The following DDA1 variants were observed in gnomAD, a reference collection of about 807,000 sequenced individuals.
The protein encoded by DDA1 is DET1- and DDB1-associated protein 1.
Under a neutral mutation model 18.6 loss-of-function variants are expected in DDA1, and 3 were observed. The ratio of observed to expected loss-of-function variants is 0.16; its 90% CI spans 0.07 to 0.42. DDA1 has a LOEUF of 0.42. Among genes scored for constraint, DDA1 ranks in the 10% least tolerant of loss-of-function variants. The pLI, the probability that DDA1 is intolerant of heterozygous loss-of-function variation, is 0.99. For synonymous variants in DDA1, 52 were observed against 54.0 expected (o/e 0.96, Z 0.17); for missense variants, 105 against 138.2 (o/e 0.76, Z 1.20).
At position 17,322,092 on chromosome 19, in the gene DDA1, C is replaced by G. The variant is rs1378005894; in HGVS notation, c.*2436C>G. 1.3e-5 allele frequency: 2 copies of G among 152,758 alleles called. No individual in the cohort carries two copies. The highest frequency in any genetic ancestry group is 2.1e-4 in the South Asian group (1 of 4,846). 9.5% of individuals were successfully genotyped at this position (152,758 alleles called of 1,614,324 possible). A position where few individuals can be genotyped will look rare whatever the true frequency, so the allele number is the denominator to read the frequency against. ...GAGCAGGGGGCACTCCCGCCTTTCCCCTCGGCCTGTCTAGACCTCTCTGGC... is the reference window on the plus strand; with the variant it reads ...GAGCAGGGGGCACTCCCGCCTTTCCGCTCGGCCTGTCTAGACCTCTCTGGC... On this transcript the variant is annotated 3_prime_UTR_variant, in exon 5 of 5. Transcript: ENST00000359866.
chr19:17,313,965 T>C (rs1001551197), intron 1 of DDA1, 58 bp from the exon 2 acceptor site: 25 of 1,435,590 alleles, frequency 1.7e-5, no homozygotes, highest in African/African-American at 4.2e-5. Flanking sequence ...CTGCAGGTGC[T>C]CCAGGGATGA....
At chr19:17,318,775 T>C (rs1295858623) in intron 4 of DDA1, among the ~76,000 whole-genome samples, 2 of 139,432 alleles carry the variant, frequency 1.4e-5, no homozygotes, top group East Asian at 2.2e-4. Context: ...AAGCAATTCT[T>C]CTGCCTCAGC....
rs1661888009 is a variant in DDA1 at position 17,315,230 on chromosome 19, C to CACACACGTGTATAT, written c.137-698_137-697insGTGTATATACACAC. On this transcript the variant is annotated intron_variant, in intron 3 of 4. Coordinates refer to ENST00000359866, the MANE Select transcript of DDA1 (RefSeq NM_024050.6). ...ACGTGTATATACACACACGTGTATA[C>CACACACGTGTATAT]ACACACACGTGTATATACACACACG... Among the ~76,000 whole-genome samples the CACACACGTGTATAT allele has an allele frequency of 1.2e-3, 14 of 11,696 alleles. 5 individuals carry two copies. The highest frequency in any genetic ancestry group is 3.7e-3 in the African/African-American group (7 of 1,908). 7.7% of individuals were successfully genotyped at this position (11,696 alleles called of 152,430 possible). A position where few individuals can be genotyped will look rare whatever the true frequency, so the allele number is the denominator to read the frequency against.
rs1568355697 is a variant in DDA1 at position 17,320,796 on chromosome 19, ATGGGGACCCCTCT to A, written c.*1142_*1154del. The A allele has an allele frequency of 6.6e-6, 1 of 152,608 alleles. No homozygotes were observed. The highest frequency in any genetic ancestry group is 1.5e-5 in the Non-Finnish European group (1 of 68,376). The allele number at this position is 152,608 out of a possible 1,614,324, so 9.5% of individuals were successfully genotyped here. A position where few individuals can be genotyped will look rare whatever the true frequency, so the allele number is the denominator to read the frequency against. ...CAGTTGGCATGTGCCATGGCCGCTC[ATGGGGACCCCTCT>A]TCCGCCAGCTGGGCTGGGTTTGGGG... On this transcript the variant is annotated 3_prime_UTR_variant, in exon 5 of 5. Coordinates refer to ENST00000359866, the MANE Select transcript of DDA1 (RefSeq NM_024050.6).
At position 17,319,773 on chromosome 19, in the gene DDA1, C is replaced by T. The variant is rs1482887626; in HGVS notation, c.*117C>T. ...TCCCTGCCGGCCCATCCACACCCTG[C>T]GTCCACACCACTTCCAACCTCATAG... On this transcript the variant is annotated 3_prime_UTR_variant, in exon 5 of 5. Coordinates refer to ENST00000359866, the MANE Select transcript of DDA1 (RefSeq NM_024050.6). The T allele has an allele frequency of 1.7e-5, 13 of 764,932 alleles. No homozygotes were observed. The highest frequency in any genetic ancestry group is 2.7e-5 in the East Asian group (1 of 36,978). 47.4% of individuals were successfully genotyped at this position (764,932 alleles called of 1,614,324 possible). A position where few individuals can be genotyped will look rare whatever the true frequency, so the allele number is the denominator to read the frequency against.
chr19:17,313,662 CA>C (rs2074189487), intron 1 of DDA1, among the ~76,000 whole-genome samples: 1 of 152,108 alleles, frequency 6.6e-6, no homozygotes, highest in Non-Finnish European at 1.5e-5. Context: ...AGGCTGGTCT[CA>C]AACTCCTGAC....
Position 17,315,221 on chromosome 19 carries a change from ACGTG to A in DDA1, c.137-712_137-709del, listed in dbSNP as rs1345629654. Reference sequence around the variant, plus strand: ...TGTATACACACGTGTATATACACACACGTGTATACACACACACGTGTATATACAC... The same window carrying A: ...TGTATACACACGTGTATATACACACATATACACACACACGTGTATATACAC... On this transcript the variant is annotated intron_variant, in intron 3 of 4. Coordinates refer to ENST00000359866, the MANE Select transcript of DDA1 (RefSeq NM_024050.6). Among the ~76,000 whole-genome samples, 3 of 21,428 alleles carry A rather than the reference ACGTG, an allele frequency of 1.4e-4. 1 individual carries two copies. The highest frequency in any genetic ancestry group is 6.1e-4 in the Admixed American group (2 of 3,300). The allele number at this position is 21,428 out of a possible 152,430, so 14.1% of individuals were successfully genotyped here. A position where few individuals can be genotyped will look rare whatever the true frequency, so the allele number is the denominator to read the frequency against.
chr19:17,319,511 AG>A (rs34692543), intron 4 of DDA1, 34 bp from the exon 5 acceptor site: 23 of 724,694 alleles, frequency 3.2e-5, no homozygotes, highest in South Asian at 2.2e-4. Context: ...CCGAAAAAAA[AG>A]ACTCACAGCC....
Position 17,320,553 on chromosome 19 carries a change from G to T in DDA1, c.*897G>T, listed in dbSNP as rs76045424. 0.086 allele frequency: 13,043 copies of T among 152,500 alleles called. 652 individuals carry two copies. Among genetic ancestry groups the T allele is most frequent in the Non-Finnish European group, 0.11 (7,734 of 68,130 alleles). 9.4% of individuals were successfully genotyped at this position (152,500 alleles called of 1,614,324 possible). A position where few individuals can be genotyped will look rare whatever the true frequency, so the allele number is the denominator to read the frequency against. ...GTCCATGGTGCCAAGGATGGAGCGG[G>T]GTCAGCCCCCTGCCTGGGATACCGC... is the stretch of plus-strand genomic sequence containing the variant. On this transcript the variant is annotated 3_prime_UTR_variant, in exon 5 of 5. Coordinates refer to ENST00000359866, the MANE Select transcript of DDA1 (RefSeq NM_024050.6).
At chr19:17,315,641 G>A (rs1047906882) in intron 3 of DDA1, 12 of 449,416 alleles carry the variant, frequency 2.7e-5, no homozygotes, top group Middle Eastern at 6.4e-4. Flanking sequence ...ACAGATATGC[G>A]GTATGTGCTC....
Position 17,315,194 on chromosome 19 carries a change from CGTGT to C in DDA1, c.137-739_137-736del, listed in dbSNP as rs1568353705. Reference sequence around the variant, plus strand: ...ATATACACACACGTGTATACACACACGTGTATACACACGTGTATATACACACACG... The same window carrying C: ...ATATACACACACGTGTATACACACACATACACACGTGTATATACACACACG... On this transcript the variant is annotated intron_variant, in intron 3 of 4. Transcript: ENST00000359866. 7.0e-4 allele frequency among the ~76,000 whole-genome samples: 14 copies of C among 20,048 alleles called. 1 individual carries two copies. Among genetic ancestry groups the C allele is most frequent in the Admixed American group, 1.5e-3 (5 of 3,370 alleles). The allele number at this position is 20,048 out of a possible 152,430, so 13.2% of individuals were successfully genotyped here.
At chr19:17,309,690 C>G (rs758345581) in intron 1 of DDA1, 33 bp downstream of exon 1, 3 of 1,608,788 alleles carry the variant, frequency 1.9e-6, no homozygotes, top group South Asian at 1.1e-5. Context: ...CACTCCCCCT[C>G]TGCTAGACAA....
Position 17,322,085 on chromosome 19 carries a change from C to T in DDA1, c.*2429C>T, listed in dbSNP as rs1175492660. 6.5e-6 allele frequency: 1 copy of T among 152,692 alleles called. No homozygotes were observed. Among genetic ancestry groups the T allele is most frequent in the African/African-American group, 2.4e-5 (1 of 41,468 alleles). The allele number at this position is 152,692 out of a possible 1,614,324, so 9.5% of individuals were successfully genotyped here. A position where few individuals can be genotyped will look rare whatever the true frequency, so the allele number is the denominator to read the frequency against. On this transcript the variant is annotated 3_prime_UTR_variant, in exon 5 of 5. Transcript: ENST00000359866. ...AGAGTGGGAGCAGGGGGCACTCCCG[C>T]CTTTCCCCTCGGCCTGTCTAGACCT...
rs886893616 is a variant in DDA1 at position 17,314,905 on chromosome 19, C to G, written c.136+516C>G. ...GGTCCAGGCAAAGGGGCCCACAGCA[C>G]AGGAGGACTTGGTCTTGCTGTCTTA... On this transcript the variant is annotated intron_variant, in intron 3 of 4. Coordinates refer to ENST00000359866, the MANE Select transcript of DDA1 (RefSeq NM_024050.6). This position sits in a 1 kb window ranked among gnomAD's most constrained non-coding sequence, Gnocchi z 4.6. Among the ~76,000 whole-genome samples the G allele has an allele frequency of 6.6e-6, 1 of 151,934 alleles. No homozygotes were observed. Among genetic ancestry groups the G allele is most frequent in the Admixed American group, 6.6e-5 (1 of 15,246 alleles).
chr19:17,313,214 C>T (rs2074186979), intron 1 of DDA1, among the ~76,000 whole-genome samples: 1 of 152,058 alleles, frequency 6.6e-6, no homozygotes, highest in African/African-American at 2.4e-5. Flanking sequence ...GGGTTCAAAT[C>T]AGCCCCCTGG....
rs1030520448 is a variant in DDA1, at chr19:17,321,762, C to T, written c.*2106C>T. 9 of 152,466 alleles carry T rather than the reference C, an allele frequency of 5.9e-5. No individual in the cohort carries two copies. The highest frequency in any genetic ancestry group is 1.0e-4 in the Non-Finnish European group (7 of 68,214). 9.4% of individuals were successfully genotyped at this position (152,466 alleles called of 1,614,324 possible). On this transcript the variant is annotated 3_prime_UTR_variant, in exon 5 of 5. Transcript: ENST00000359866. ...AGTGCCAGGGTGGGCTCCCGTCCTACACAAGGAGTGGCTGACCAGGCCCAG... is the reference window on the plus strand; with the variant it reads ...AGTGCCAGGGTGGGCTCCCGTCCTATACAAGGAGTGGCTGACCAGGCCCAG...
rs2074195635 is a variant in DDA1 at position 17,314,988 on chromosome 19, G to A, written c.136+599G>A. ...GGGGTAGCTCCCGCCTGTAATCCCA[G>A]CACTTTGGGAGGCTGAGGCAGGAGG... is the stretch of plus-strand genomic sequence containing the variant. On this transcript the variant is annotated intron_variant, in intron 3 of 4. Coordinates refer to ENST00000359866, the MANE Select transcript of DDA1 (RefSeq NM_024050.6). The surrounding 1 kb of genome is among the most constrained non-coding windows in gnomAD (Gnocchi z 4.6). Among the ~76,000 whole-genome samples, 1 of 151,794 alleles carries A rather than the reference G, an allele frequency of 6.6e-6. No individual in the cohort carries two copies. The highest frequency in any genetic ancestry group is 2.1e-4 in the South Asian group (1 of 4,816).
chr19:17,318,327 G>T (rs1201179039), intron 4 of DDA1, among the ~76,000 whole-genome samples: 1 of 152,214 alleles, frequency 6.6e-6, no homozygotes, highest in Non-Finnish European at 1.5e-5. Flanking sequence ...CGCCTCCTGG[G>T]TTCAAGCGAT....
intron 1 of DDA1, among the ~76,000 whole-genome samples, chr19:17,312,422 G>A (rs901829736): frequency 6.6e-6 from 1 of 152,138 alleles, no homozygotes; most frequent in Non-Finnish European, 1.5e-5. Flanking sequence ...TGGTGGGGAG[G>A]TTAGCAGGTA....
Sources: gnomAD v4.1 joint callset for allele counts (sites outside exome capture counted in the v4.1 genomes callset) on GRCh38, gnomAD v4.1.1 for gene constraint, Gnocchi (gnomAD v3.1) non-coding constraint, MANE v1.5 for transcripts, NCBI Gene and HGNC (gene_info 2026-07-23, HGNC 2026-07-21) for gene names.